HDAC4: variants seen among roughly 807,000 people sequenced by gnomAD.
The protein encoded by HDAC4 is histone deacetylase 4, also known as histone deacetylase A.
Under a neutral mutation model 135.1 loss-of-function variants are expected in HDAC4, and 16 were observed. That is an observed-to-expected ratio of 0.12 (90% CI 0.08 to 0.18). HDAC4 has a LOEUF of 0.18. Ranked by LOEUF, HDAC4 falls within the 10% of genes least tolerant of loss-of-function variation. The pLI is 1.00. For missense variants in HDAC4, 1,143 were observed against 1,511.8 expected, an observed-to-expected ratio of 0.76 and a Z score of 4.05; for synonymous variants, 685 against 653.4, an observed-to-expected ratio of 1.05 and a Z score of -0.74.
chr2:239,321,248 G>A (rs576578753), intron 2 of HDAC4, among the ~76,000 whole-genome samples: 62 of 152,198 alleles, frequency 4.1e-4, no homozygotes, highest in African/African-American at 1.2e-3. Context: ...GGCGGATCAC[G>A]AGGTCAGGAG....
intron 1 of HDAC4, among the ~76,000 whole-genome samples, chr2:239,385,646 C>T (rs1005140645): frequency 6.6e-6 from 1 of 152,232 alleles, no homozygotes; most frequent in Admixed American, 6.5e-5. Flanking sequence ...CACGCACACG[C>T]CTGTCCCTGA....
intron 2 of HDAC4, among the ~76,000 whole-genome samples, chr2:239,330,467 C>T (rs1276358789): frequency 6.6e-6 from 1 of 152,244 alleles, no homozygotes; most frequent in Non-Finnish European, 1.5e-5. Flanking sequence ...ACCAAGGACA[C>T]CTGAACTCTG....
chr2:239,369,945 G>A (rs542538016), intron 1 of HDAC4, among the ~76,000 whole-genome samples: 16 of 152,350 alleles, frequency 1.1e-4, no homozygotes, highest in African/African-American at 2.9e-4. Context: ...CCTGGTGGGC[G>A]GAGAGAATCA....
chr2:239,345,207 T>C (rs533596179), intron 2 of HDAC4, among the ~76,000 whole-genome samples: 1 of 152,274 alleles, frequency 6.6e-6, no homozygotes, highest in African/African-American at 2.4e-5. Context: ...AATCAAGGTC[T>C]TGGGTTAATT....
At chr2:239,328,807 C>CA (rs1691343955) in intron 2 of HDAC4, among the ~76,000 whole-genome samples, 1 of 152,212 alleles carries the variant, frequency 6.6e-6, no homozygotes, top group African/African-American at 2.4e-5. Flanking sequence ...GCTCAGAGGG[C>CA]AGGCCAGCCC....
chr2:239,196,389 G>A (rs566575025), intron 3 of HDAC4, among the ~76,000 whole-genome samples: 1 of 152,290 alleles, frequency 6.6e-6, no homozygotes, highest in East Asian at 1.9e-4. Context: ...CCCCTACCCC[G>A]TGAGCAACAT....
At chr2:239,269,509 G>C (rs544454862) in intron 2 of HDAC4, among the ~76,000 whole-genome samples, 3 of 152,328 alleles carry the variant, frequency 2.0e-5, no homozygotes, top group East Asian at 3.9e-4. Flanking sequence ...CCAGTCTGCA[G>C]GAATTCTCTG....
intron 3 of HDAC4, among the ~76,000 whole-genome samples, chr2:239,214,039 T>C (rs909731046): frequency 1.3e-5 from 2 of 152,244 alleles, no homozygotes; most frequent in African/African-American, 4.8e-5. Flanking sequence ...GTTAGCTTCT[T>C]GTGCTTGATG....
chr2:239,352,871 G>A lies in HDAC4; in HGVS notation c.-172C>T. On this transcript the variant is annotated 5_prime_UTR_variant, in exon 2 of 27. Transcript: ENST00000543185. This position sits in a 1 kb window ranked among gnomAD's most constrained non-coding sequence, Gnocchi z 4.4. ...TCGCCGGCAAGGTCTCATGAGCCAG[G>A]TAACCCACAAGTTGAACAGAGGCGT... 1 of 700,780 alleles carries A rather than the reference G, an allele frequency of 1.4e-6. No homozygotes were observed. Among genetic ancestry groups the A allele is most frequent in the African/African-American group, 1.8e-5 (1 of 56,756 alleles). The allele number at this position is 700,780 out of a possible 1,614,324, so 43.4% of individuals were successfully genotyped here. A position where few individuals can be genotyped will look rare whatever the true frequency, so the allele number is the denominator to read the frequency against.
intron 7 of HDAC4, among the ~76,000 whole-genome samples, 175 bp downstream of exon 7, chr2:239,156,477 G>A (rs1001087959): frequency 2.0e-5 from 3 of 152,216 alleles, no homozygotes; most frequent in Non-Finnish European, 4.4e-5. Flanking sequence ...TAAATAATAA[G>A]GAAATGTTTA....
chr2:239,285,273 GA>G lies in HDAC4; in HGVS notation c.23-48610del, dbSNP rs985651564. Among the ~76,000 whole-genome samples, 67 of 152,372 alleles carry G rather than the reference GA, an allele frequency of 4.4e-4. No homozygotes were observed. The highest frequency in any genetic ancestry group is 1.6e-3 in the African/African-American group (65 of 41,596). ...AGGAACACAGCCATGCTGGGGGTGG[GA>G]GGGGCAGATCCCTGCTGGGAGTGGA... On this transcript the variant is annotated intron_variant, in intron 2 of 26. Coordinates refer to ENST00000543185, the MANE Select transcript of HDAC4 (RefSeq NM_001378414.1). The surrounding 1 kb of genome is among the most constrained non-coding windows in gnomAD (Gnocchi z 4.5).
At chr2:239,344,604 A>C (rs1037414578) in intron 2 of HDAC4, among the ~76,000 whole-genome samples, 1 of 152,198 alleles carries the variant, frequency 6.6e-6, no homozygotes, top group African/African-American at 2.4e-5. Flanking sequence ...TTGACTGATT[A>C]AGATCCCAGA....
chr2:239,163,357 G>A lies in HDAC4; in HGVS notation c.611+446C>T, dbSNP rs151119384. Among the ~76,000 whole-genome samples the A allele has an allele frequency of 4.5e-4, 68 of 152,326 alleles. No homozygotes were observed. In the East Asian group the frequency reaches 6.0e-3, roughly 13 times the overall value. On this transcript the variant is annotated intron_variant, in intron 6 of 26. Coordinates refer to ENST00000543185, the MANE Select transcript of HDAC4 (RefSeq NM_001378414.1). ...ATGGCACAACATTACCAAGAGTAAC[G>A]ACAGGCACCAGCCTCCGGAGCACTG...
At chr2:239,175,263 C>T (rs2043687120) in intron 5 of HDAC4, among the ~76,000 whole-genome samples, 1 of 152,196 alleles carries the variant, frequency 6.6e-6, no homozygotes, top group Non-Finnish European at 1.5e-5. Context: ...ACACAGTGAG[C>T]CAAGGGCTCT....
At chr2:239,207,005 G>C (rs567170888) in intron 3 of HDAC4, among the ~76,000 whole-genome samples, 1 of 152,292 alleles carries the variant, frequency 6.6e-6, no homozygotes, top group South Asian at 2.1e-4. Flanking sequence ...GGGATGGGAG[G>C]GAGGCCTAAA....
rs188792674 is a variant in HDAC4, at chr2:239,352,456, G to A, written c.22+222C>T. On this transcript the variant is annotated intron_variant, in intron 2 of 26. Coordinates refer to ENST00000543185, the MANE Select transcript of HDAC4 (RefSeq NM_001378414.1). This position sits in a 1 kb window ranked among gnomAD's most constrained non-coding sequence, Gnocchi z 4.4. ...TCAAGTCAGCCTGCAAACCGGGGTC[G>A]CAGACTTGACTCCACATCCTCCCAG... 2.0e-5 allele frequency among the ~76,000 whole-genome samples: 3 copies of A among 152,254 alleles called. No individual in the cohort carries two copies. Among genetic ancestry groups the A allele is most frequent in the Admixed American group, 1.3e-4 (2 of 15,290 alleles).
chr2:239,367,932 C>T (rs952011059), intron 1 of HDAC4, among the ~76,000 whole-genome samples: 1 of 151,850 alleles, frequency 6.6e-6, no homozygotes, highest in Non-Finnish European at 1.5e-5. Context: ...GAGCCGAGAC[C>T]ACACCACTGC....
chr2:239,374,207 G>A (rs901035637), intron 1 of HDAC4, among the ~76,000 whole-genome samples: 5 of 152,084 alleles, frequency 3.3e-5, no homozygotes, highest in African/African-American at 1.2e-4. Context: ...AGAGGACCTG[G>A]GAGATCACAT....
intron 2 of HDAC4, 36 bp from the exon 3 acceptor site, chr2:239,236,700 C>G: frequency 6.7e-7 from 1 of 1,497,942 alleles, no homozygotes; most frequent in Non-Finnish European, 9.1e-7. Flanking sequence ...TCAGAAACTG[C>G]GCGCATTTCA....
Sources: gnomAD v4.1 joint callset for allele counts (sites outside exome capture counted in the v4.1 genomes callset) on GRCh38, gnomAD v4.1.1 for gene constraint, Gnocchi (gnomAD v3.1) non-coding constraint, MANE v1.5 for transcripts, NCBI Gene and HGNC (gene_info 2026-07-23, HGNC 2026-07-21) for gene names.